GNAS-AS1: variants seen among roughly 807,000 people sequenced by gnomAD.
The protein encoded by GNAS-AS1 is GNAS antisense RNA 1 (non-protein coding).
chr20:58,850,490 T>C (rs1198114127), intron 1 of GNAS-AS1: 1 of 398,298 alleles, frequency 2.5e-6, no homozygotes, highest in East Asian at 3.6e-5. Context: ...GGAGCACCCA[T>C]GGCAGCCTCC....
At chr20:58,848,142 G>A (rs2086006781) in intron 2 of GNAS-AS1, among the ~76,000 whole-genome samples, 1 of 152,252 alleles carries the variant, frequency 6.6e-6, no homozygotes, top group African/African-American at 2.4e-5. Flanking sequence ...ATGGAAGCAT[G>A]AGAAATTCTT....
intron 4 of GNAS-AS1, among the ~76,000 whole-genome samples, chr20:58,831,860 C>T (rs1160500439): frequency 3.9e-5 from 6 of 152,084 alleles, no homozygotes; most frequent in Admixed American, 3.9e-4. Context: ...CTTATATAGC[C>T]TCAAAATCAA....
rs1413169794 is a variant in GNAS-AS1, at chr20:58,840,345, C to T, written n.819+1592G>A. ...GGCGCCCAGGTATTCCCTGAGTCCC[C>T]CGAATCGGAATCTGACCACGAGCAC... On this transcript the variant is annotated intron_variant and non_coding_transcript_variant, in intron 4 of 4. Transcript: ENST00000424094. The surrounding 1 kb of genome is among the most constrained non-coding windows in gnomAD (Gnocchi z 6.0). The T allele has an allele frequency of 4.3e-6, 7 of 1,613,226 alleles. No individual in the cohort carries two copies. In the South Asian group the frequency reaches 6.6e-5, roughly 15 times the overall value.
chr20:58,838,113 A>G (rs538305874), intron 4 of GNAS-AS1, among the ~76,000 whole-genome samples: 18 of 152,222 alleles, frequency 1.2e-4, no homozygotes, highest in African/African-American at 3.6e-4. Flanking sequence ...CCTTCTTGAT[A>G]CTCCCAGGGA....
At chr20:58,844,071 G>C (rs751465445) in intron 2 of GNAS-AS1, 6 of 152,318 alleles carry the variant, frequency 3.9e-5, no homozygotes, top group Admixed American at 2.0e-4. Context: ...AAACTTCAGT[G>C]TTGGTAAGAA....
chr20:58,825,672 G>A (rs965973310), intron 4 of GNAS-AS1, among the ~76,000 whole-genome samples: 6 of 152,180 alleles, frequency 3.9e-5, no homozygotes, highest in Non-Finnish European at 7.4e-5. Flanking sequence ...AAATGACCTC[G>A]ATATTCCTAA....
intron 4 of GNAS-AS1, among the ~76,000 whole-genome samples, chr20:58,821,641 G>A (rs1202383392): frequency 2.0e-5 from 3 of 152,190 alleles, no homozygotes; most frequent in South Asian, 2.1e-4. Context: ...TAACCCTAGC[G>A]TCCCTTGGAA....
chr20:58,847,563 T>C (rs1026859954), intron 2 of GNAS-AS1, among the ~76,000 whole-genome samples: 11 of 152,234 alleles, frequency 7.2e-5, no homozygotes, highest in Non-Finnish European at 1.0e-4. Context: ...TTCTACCTTC[T>C]CTTTCTGCTT....
At chr20:58,849,387 A>G (rs990604994) in intron 1 of GNAS-AS1, among the ~76,000 whole-genome samples, 23 of 152,186 alleles carry the variant, frequency 1.5e-4, no homozygotes, top group African/African-American at 5.3e-4. Context: ...CAGTGCGCCA[A>G]TTGTTCAAGA....
chr20:58,826,309 G>A (rs956562827), intron 4 of GNAS-AS1, among the ~76,000 whole-genome samples: 2 of 152,188 alleles, frequency 1.3e-5, no homozygotes, highest in Non-Finnish European at 2.9e-5. Flanking sequence ...AGGGCTGGGG[G>A]CCCAAACAGC....
chr20:58,830,424 C>T (rs1470048552), intron 4 of GNAS-AS1, among the ~76,000 whole-genome samples: 3 of 142,702 alleles, frequency 2.1e-5, no homozygotes, highest in South Asian at 2.3e-4. Flanking sequence ...TCACCACCAC[C>T]GCCACACCAC....
exon 1 of GNAS-AS1, chr20:58,850,803 T>C: frequency 2.5e-6 from 1 of 398,758 alleles, no homozygotes; most frequent in Admixed American, 4.4e-5. Flanking sequence ...GCGCTAGCGG[T>C]CCTCGTGGTC....
intron 4 of GNAS-AS1, among the ~76,000 whole-genome samples, chr20:58,830,268 A>ACCACCACCG (rs2085547963): frequency 7.0e-6 from 1 of 143,612 alleles, no homozygotes; most frequent in African/African-American, 2.7e-5. Context: ...CCACACCATC[A>ACCACCACCG]CCACCACCGC....
chr20:58,819,322 T>C (rs1329610264), intron 4 of GNAS-AS1: 2 of 397,946 alleles, frequency 5.0e-6, no homozygotes, highest in Non-Finnish European at 4.4e-6. Context: ...ACAACAGAAA[T>C]GAAACCAGGC....
At chr20:58,825,579 T>C (rs76955929) in intron 4 of GNAS-AS1, among the ~76,000 whole-genome samples, 6,090 of 152,272 alleles carry the variant, frequency 0.04, 198 homozygotes, top group African/African-American at 0.078. Context: ...AACAGCTGAC[T>C]TAGAGAGAAG....
intron 4 of GNAS-AS1, among the ~76,000 whole-genome samples, chr20:58,827,237 C>CCCAG (rs1447381642): frequency 1.3e-5 from 2 of 152,268 alleles, no homozygotes; most frequent in Non-Finnish European, 2.9e-5. Context: ...GCCTCAGAAA[C>CCCAG]CCAGCCCCAC....
At position 58,840,735 on chromosome 20, in the gene GNAS-AS1, C is replaced by T. The variant is rs2085684057; in HGVS notation, n.819+1202G>A. 1 of 1,604,932 alleles carries T rather than the reference C, an allele frequency of 6.2e-7. No individual in the cohort carries two copies. Among genetic ancestry groups the T allele is most frequent in the Non-Finnish European group, 8.5e-7 (1 of 1,179,560 alleles). On this transcript the variant is annotated intron_variant and non_coding_transcript_variant, in intron 4 of 4. Coordinates refer to ENST00000424094, the Ensembl canonical transcript of GNAS-AS1. This position sits in a 1 kb window ranked among gnomAD's most constrained non-coding sequence, Gnocchi z 6.0. ...AGGGACCCCGAAGAGTCGAAGGAGC[C>T]CAAGGAGGAGAAGCAGCGGCGTCGC...
At chr20:58,829,781 G>GA (rs76747171) in intron 4 of GNAS-AS1, among the ~76,000 whole-genome samples, 7 of 152,072 alleles carry the variant, frequency 4.6e-5, no homozygotes, top group Admixed American at 3.9e-4. Flanking sequence ...TACTCAGGGG[G>GA]AAAAAAACAA....
Position 58,840,083 on chromosome 20 carries a change from G to T in GNAS-AS1, n.819+1854C>A. 6.2e-7 allele frequency: 1 copy of T among 1,608,808 alleles called. No individual in the cohort carries two copies. The stretch of plus-strand genomic sequence containing the variant: ...CTCTGCAGAGCCAGAGGGCAGGCCG[G>T]CTTCTCGGTGTGTGCCTAAGAGGAT... On this transcript the variant is annotated intron_variant and non_coding_transcript_variant, in intron 4 of 4. Transcript: ENST00000424094. The surrounding 1 kb of genome is among the most constrained non-coding windows in gnomAD (Gnocchi z 6.0).
Sources: allele counts gnomAD v4.1 joint callset (sites outside exome capture counted in the v4.1 genomes callset), GRCh38; gene constraint gnomAD v4.1.1; non-coding constraint Gnocchi (gnomAD v3.1); transcripts MANE v1.5; gene names NCBI Gene and HGNC (gene_info 2026-07-23, HGNC 2026-07-21).